The following DENND5A variants were observed in gnomAD, a reference collection of about 807,000 sequenced individuals.
DENND5A encodes DENN domain containing 5A, also known as DENN domain-containing protein 5A.
A neutral mutation model predicts 140.3 loss-of-function variants in DENND5A; 64 were observed. That is an observed-to-expected ratio of 0.46 (90% CI 0.37 to 0.56). The LOEUF is 0.56. Ranked by LOEUF, DENND5A falls within the 20% of genes least tolerant of loss-of-function variation. The pLI, the probability that DENND5A is intolerant of heterozygous loss-of-function variation, is 0.00. For synonymous variants in DENND5A, 605 were observed against 607.7 expected (o/e 1.00, Z 0.07); for missense variants, 1,292 against 1,593.8 (o/e 0.81, Z 3.22).
chr11:9,250,245 A>C (rs1377473814), intron 1 of DENND5A, among the ~76,000 whole-genome samples: 2 of 151,374 alleles, frequency 1.3e-5, no homozygotes, highest in African/African-American at 4.9e-5. Flanking sequence ...CCAGGCAAAA[A>C]GCATAAAACA....
rs993483496 is a variant in DENND5A at position 9,204,109 on chromosome 11, G to A, written c.500C>T (p.Pro167Leu). 1 of 1,614,132 alleles carries A rather than the reference G, an allele frequency of 6.2e-7. No homozygotes were observed. Among genetic ancestry groups the A allele is most frequent in the Non-Finnish European group, 8.5e-7 (1 of 1,180,004 alleles). Reference protein sequence around the residue: ...HNAEYDVLHAPPADDRDQSSM... With the variant: ...HNAEYDVLHALPADDRDQSSM... ...GCTCTGGTCTCTGTCATCAGCAGGG[G>A]GAGCATGTAGGACATCATACTCAGC... The change falls in exon 4 of 23, where the codon CCC becomes CTC. Residue 167 changes from proline to leucine, a missense_variant. Physicochemically the swap from Pro to Leu is moderately conservative, Grantham distance 98 (BLOSUM62 -3). This residue lies in a region of DENND5A where 566 missense variants were observed against 650.4 expected (regional missense o/e 0.87). Transcript: ENST00000328194.
At chr11:9,191,860 C>A (rs1160389861) in intron 5 of DENND5A, among the ~76,000 whole-genome samples, 1 of 152,138 alleles carries the variant, frequency 6.6e-6, no homozygotes. Context: ...ATTAGGTTGA[C>A]TAAGTTGTAT....
rs750898169 is a variant in DENND5A, at chr11:9,147,136, G to C, written c.2751C>G (p.Arg917=). The C allele has an allele frequency of 1.2e-6, 2 of 1,614,026 alleles. No individual in the cohort carries two copies. Among genetic ancestry groups the C allele is most frequent in the African/African-American group, 2.7e-5 (2 of 74,926 alleles). Residue 917 remains arginine, a synonymous_variant, in exon 16 of 23, where the codon CGC becomes CGG. Coordinates refer to ENST00000328194, the MANE Select transcript of DENND5A (RefSeq NM_015213.4). ...DHELTKKLYK[R]YAFLRCDDEK... Reference sequence around the variant, plus strand: ...CGTCATCACAGCGCAGGAAGGCATAGCGCTTATATAACTTTCTGTTGGAGA... The same window carrying C: ...CGTCATCACAGCGCAGGAAGGCATACCGCTTATATAACTTTCTGTTGGAGA...
chr11:9,252,125 G>A (rs1231753302), intron 1 of DENND5A, among the ~76,000 whole-genome samples: 1 of 150,356 alleles, frequency 6.7e-6, no homozygotes, highest in African/African-American at 2.5e-5. Context: ...TGGTGAAACC[G>A]CATGTCTACT....
At chr11:9,166,390 T>C (rs897657562) in intron 10 of DENND5A, among the ~76,000 whole-genome samples, 18 of 152,218 alleles carry the variant, frequency 1.2e-4, no homozygotes, top group Admixed American at 1.2e-3. Flanking sequence ...TTTCTCGCAC[T>C]TTCTTAGCTG....
intron 1 of DENND5A, among the ~76,000 whole-genome samples, chr11:9,249,002 C>T (rs559711900): frequency 3.4e-4 from 51 of 152,140 alleles, no homozygotes; most frequent in Non-Finnish European, 5.9e-4. Context: ...CTTAGGTGGG[C>T]GGATCACGAG....
At chr11:9,237,096 A>G (rs374912931) in intron 1 of DENND5A, among the ~76,000 whole-genome samples, 2 of 152,234 alleles carry the variant, frequency 1.3e-5, no homozygotes, top group African/African-American at 2.4e-5. Flanking sequence ...AAAGATGTTC[A>G]GCCTAATAAT....
Position 9,139,808 on chromosome 11 carries a change from T to C in DENND5A, c.3727A>G (p.Ile1243Val), listed in dbSNP as rs1847175682. The C allele has an allele frequency of 1.2e-6, 2 of 1,614,014 alleles. No individual in the cohort carries two copies. The highest frequency in any genetic ancestry group is 2.2e-5 in the South Asian group (2 of 91,090). Reference protein sequence around the residue: ...HWIALLADCPITAHMYEDVAL... With the variant: ...HWIALLADCPVTAHMYEDVAL... ...ACATCCTCATACATGTGTGCAGTGA[T>C]GGGGCAGTCAGCCAGCAGGGCAATC... Residue 1243 changes from isoleucine to valine, a missense_variant, in exon 23 of 23, where the codon ATC becomes GTC. Physicochemically the swap from Ile to Val is conservative, Grantham distance 29 (BLOSUM62 3). Transcript: ENST00000328194.
At chr11:9,247,002 G>A (rs1355736064) in intron 1 of DENND5A, among the ~76,000 whole-genome samples, 1 of 152,076 alleles carries the variant, frequency 6.6e-6, no homozygotes, top group East Asian at 1.9e-4. Context: ...AGGCCGAGGT[G>A]GGCAGATCAC....
intron 12 of DENND5A, among the ~76,000 whole-genome samples, chr11:9,153,693 T>C (rs1847709715): frequency 1.3e-5 from 2 of 152,168 alleles, no homozygotes; most frequent in Non-Finnish European, 2.9e-5. Flanking sequence ...GATTTACTAT[T>C]GAAGGTATAG....
intron 1 of DENND5A, among the ~76,000 whole-genome samples, chr11:9,221,796 C>A (rs1264194129): frequency 1.3e-5 from 2 of 151,994 alleles, no homozygotes; most frequent in Non-Finnish European, 2.9e-5. Context: ...CTTGCTCTGT[C>A]ACCCAGGCCG....
chr11:9,142,813 C>T lies in DENND5A; in HGVS notation c.3420G>A (p.Glu1140=), dbSNP rs1354327074. The T allele has an allele frequency of 1.7e-5, 27 of 1,614,220 alleles. No individual in the cohort carries two copies. The highest frequency in any genetic ancestry group is 2.3e-5 in the Non-Finnish European group (27 of 1,180,036). Reference sequence around the variant, plus strand: ...GTTCCAAGGCCGAGACAAGGCCACACTCTCCACAGAGCAACAGCGTCAGAC... The same window carrying T: ...GTTCCAAGGCCGAGACAAGGCCACATTCTCCACAGAGCAACAGCGTCAGAC... ...RGSLTLLLCG[E]CGLVSALEQA... Residue 1140 remains glutamate, a synonymous_variant, in exon 21 of 23, where the codon GAG becomes GAA. Coordinates refer to ENST00000328194, the MANE Select transcript of DENND5A (RefSeq NM_015213.4).
At chr11:9,233,353 C>T (rs762089666) in intron 1 of DENND5A, among the ~76,000 whole-genome samples, 43 of 148,508 alleles carry the variant, frequency 2.9e-4, no homozygotes, top group African/African-American at 1.1e-3. Flanking sequence ...GAGCTGAGAT[C>T]GCGCCATTGC....
At chr11:9,153,816 A>AT (rs922234427) in intron 12 of DENND5A, among the ~76,000 whole-genome samples, 2 of 152,244 alleles carry the variant, frequency 1.3e-5, no homozygotes, top group African/African-American at 4.8e-5. Flanking sequence ...ACTTTAAACC[A>AT]TTTGAGATAT....
At chr11:9,154,563 C>A (rs1398901431) in intron 12 of DENND5A, among the ~76,000 whole-genome samples, 1 of 151,722 alleles carries the variant, frequency 6.6e-6, no homozygotes, top group Non-Finnish European at 1.5e-5. Context: ...TGGTAGGAAA[C>A]CCTCGCTATA....
At chr11:9,166,777 A>G (rs1279954193) in intron 10 of DENND5A, among the ~76,000 whole-genome samples, 9 of 152,226 alleles carry the variant, frequency 5.9e-5, no homozygotes, top group Non-Finnish European at 1.2e-4. Context: ...GGTTGTGGTG[A>G]GCTGAGATCG....
intron 1 of DENND5A, among the ~76,000 whole-genome samples, chr11:9,243,513 C>T (rs1590328572): frequency 6.6e-6 from 1 of 152,156 alleles, no homozygotes; most frequent in East Asian, 1.9e-4. Context: ...CCTCCTCTTC[C>T]TCTTCAGCCT....
rs1300186150 is a variant in DENND5A, at chr11:9,150,018, A to G, written c.2735+63T>C. 2.6e-6 allele frequency: 4 copies of G among 1,551,126 alleles called. No homozygotes were observed. The East Asian group carries it at 9.1e-5, about 35-fold the overall frequency. Reference sequence around the variant, plus strand: ...ACTGAATACTCCCCCTTCCCACACAAGTTTCCAATCTCTTCCCTCCATTCC... The same window carrying G: ...ACTGAATACTCCCCCTTCCCACACAGGTTTCCAATCTCTTCCCTCCATTCC... On this transcript the variant is annotated intron_variant, in intron 15 of 22. Coordinates refer to ENST00000328194, the MANE Select transcript of DENND5A (RefSeq NM_015213.4).
intron 1 of DENND5A, among the ~76,000 whole-genome samples, chr11:9,216,161 T>C (rs1850086771): frequency 6.6e-6 from 1 of 152,240 alleles, no homozygotes; most frequent in Non-Finnish European, 1.5e-5. Flanking sequence ...TTGTATGACA[T>C]TAAACAATTT....
Sources: gnomAD v4.1 joint callset for allele counts (sites outside exome capture counted in the v4.1 genomes callset) on GRCh38, gnomAD v4.1.1 for gene constraint, gnomAD v4.1.1 regional missense constraint, MANE v1.5 for transcripts, NCBI Gene and HGNC (gene_info 2026-07-23, HGNC 2026-07-21) for gene names.